The following TNFAIP8 variants were observed in gnomAD, a reference collection of about 807,000 sequenced individuals.
TNFAIP8 encodes the protein TNF alpha induced protein 8, also known as tumor necrosis factor alpha-induced protein 8.
TNFAIP8 carries 7 observed loss-of-function variants against 13.3 expected under a neutral mutation model. The observed-to-expected ratio is 0.52, with a 90% CI of 0.30 to 0.99. The LOEUF (loss-of-function observed/expected upper bound fraction) is 0.99. TNFAIP8 is among the 50% of genes least tolerant of loss of function. The pLI is 0.07. For synonymous variants in TNFAIP8, 94 were observed against 87.6 expected (o/e 1.07, Z -0.41); for missense variants, 258 against 236.9 (o/e 1.09, Z -0.58).
intron 1 of TNFAIP8, among the ~76,000 whole-genome samples, chr5:119,289,495 T>C (rs1048567988): frequency 1.3e-5 from 2 of 152,202 alleles, no homozygotes; most frequent in Non-Finnish European, 2.9e-5. Flanking sequence ...CTTTTAAAGA[T>C]TGGAGAATTC....
chr5:119,300,699 A>T (rs1749361201), intron 1 of TNFAIP8, among the ~76,000 whole-genome samples: 1 of 152,202 alleles, frequency 6.6e-6, no homozygotes, highest in South Asian at 2.1e-4. Context: ...AACTTGCCTG[A>T]GATCCAGCAG....
rs141199457 is a variant in TNFAIP8, at chr5:119,370,335, TC to T, written c.31+14216del. On this transcript the variant is annotated intron_variant, in intron 1 of 1. Transcript: ENST00000504771. ...GAGCAACAGAGAAACAATGCATGAA[TC>T]CACACATAAAACTCTTTAAGTTGAG... Among the ~76,000 whole-genome samples the T allele has an allele frequency of 4.5e-3, 683 of 152,266 alleles. 9 individuals carry two copies. Among genetic ancestry groups the T allele is most frequent in the South Asian group, 0.043 (206 of 4,828 alleles).
chr5:119,290,082 A>G (rs1183580259), intron 1 of TNFAIP8, among the ~76,000 whole-genome samples: 5 of 152,238 alleles, frequency 3.3e-5, no homozygotes, highest in Non-Finnish European at 7.3e-5. Flanking sequence ...TCTGCCCTCT[A>G]GGACTTATTA....
intron 1 of TNFAIP8, among the ~76,000 whole-genome samples, chr5:119,296,906 A>G (rs945793730): frequency 1.3e-5 from 2 of 151,610 alleles, no homozygotes; most frequent in African/African-American, 4.9e-5. Context: ...TTTCTAGTTT[A>G]TTTGCGTAGA....
At chr5:119,268,804 G>A (rs1205564838) in exon 1 of TNFAIP8, 7 of 697,670 alleles carry the variant, frequency 1.0e-5, no homozygotes, top group East Asian at 5.5e-5. Flanking sequence ...GCTTGGCTAA[G>A]GTCCGCGGGA....
chr5:119,321,778 A>G (rs949629128), intron 1 of TNFAIP8, among the ~76,000 whole-genome samples: 5 of 152,168 alleles, frequency 3.3e-5, no homozygotes, highest in Non-Finnish European at 5.9e-5. Flanking sequence ...TCCTTGTGCA[A>G]TGAGAATGGT....
At chr5:119,359,705 C>G (rs949602401) in intron 1 of TNFAIP8, among the ~76,000 whole-genome samples, 3 of 152,206 alleles carry the variant, frequency 2.0e-5, no homozygotes, top group African/African-American at 7.2e-5. Context: ...TCATTCATCA[C>G]TAAGGACTAT....
At chr5:119,314,023 G>T (rs1214845416) in intron 1 of TNFAIP8, among the ~76,000 whole-genome samples, 1 of 152,176 alleles carries the variant, frequency 6.6e-6, no homozygotes, top group Non-Finnish European at 1.5e-5. Context: ...TCTAGTAGAG[G>T]CAGCATAATT....
intron 1 of TNFAIP8, among the ~76,000 whole-genome samples, chr5:119,271,527 G>C (rs994989344): frequency 2.8e-4 from 43 of 152,282 alleles, no homozygotes; most frequent in African/African-American, 1.0e-3. Flanking sequence ...CAGTTGAAGG[G>C]GCTGAAAATG....
intron 1 of TNFAIP8, among the ~76,000 whole-genome samples, chr5:119,365,538 A>G (rs982092780): frequency 3.3e-5 from 5 of 152,186 alleles, no homozygotes; most frequent in African/African-American, 1.2e-4. Context: ...ACACCAAAAG[A>G]CAGAACCCTG....
In TNFAIP8 at chr5:119,396,897, G is replaced by A. The variant is rs1194199642; in HGVS notation, c.*3516G>A. The A allele has an allele frequency of 1.3e-5, 2 of 150,014 alleles. No homozygotes were observed. Among genetic ancestry groups the A allele is most frequent in the Non-Finnish European group, 2.9e-5 (2 of 67,892 alleles). 9.3% of individuals were successfully genotyped at this position (150,014 alleles called of 1,614,324 possible). ...TAATCCCAGCTACTTGGGAGGCTAA[G>A]GCAGGAGAATCGCTGGAACCTGGGA... On this transcript the variant is annotated 3_prime_UTR_variant, in exon 2 of 2. Transcript: ENST00000504771.
chr5:119,279,896 A>G (rs985535541), intron 1 of TNFAIP8, among the ~76,000 whole-genome samples: 1 of 152,120 alleles, frequency 6.6e-6, no homozygotes, highest in Non-Finnish European at 1.5e-5. Flanking sequence ...TGAAAAGTTC[A>G]TTGAAACAGT....
chr5:119,322,625 T>A (rs1750095366), intron 1 of TNFAIP8, among the ~76,000 whole-genome samples: 3 of 152,200 alleles, frequency 2.0e-5, no homozygotes, highest in Admixed American at 2.0e-4. Context: ...TCCTCCATAA[T>A]CCACTTTCCT....
chr5:119,329,749 C>T (rs2112703804), intron 1 of TNFAIP8, among the ~76,000 whole-genome samples: 1 of 151,882 alleles, frequency 6.6e-6, no homozygotes, highest in East Asian at 2.0e-4. Flanking sequence ...AGTGAGAGCA[C>T]CATGCACACT....
chr5:119,317,288 GC>G (rs1749928289), intron 1 of TNFAIP8, among the ~76,000 whole-genome samples: 1 of 152,042 alleles, frequency 6.6e-6, no homozygotes, highest in African/African-American at 2.4e-5. Flanking sequence ...ATAGAAATTA[GC>G]CAAAATAAAT....
At chr5:119,295,924 C>T (rs1253309318) in intron 1 of TNFAIP8, among the ~76,000 whole-genome samples, 2 of 151,056 alleles carry the variant, frequency 1.3e-5, no homozygotes, top group African/African-American at 4.9e-5. Context: ...TGATTTGGCT[C>T]TCTGTCTGTT....
intron 1 of TNFAIP8, among the ~76,000 whole-genome samples, chr5:119,391,961 G>A (rs1005242647): frequency 3.4e-4 from 51 of 152,168 alleles, no homozygotes; most frequent in Admixed American, 6.5e-5. Flanking sequence ...TCTGTCAGAA[G>A]TTATAATTCC....
At chr5:119,320,176 A>AT (rs1175643624) in intron 1 of TNFAIP8, among the ~76,000 whole-genome samples, 1 of 152,122 alleles carries the variant, frequency 6.6e-6, no homozygotes, top group Non-Finnish European at 1.5e-5. Context: ...AGCGACTGTG[A>AT]TTTTTAGGAC....
chr5:119,357,812 G>C (rs920377800), intron 1 of TNFAIP8, among the ~76,000 whole-genome samples: 2 of 152,062 alleles, frequency 1.3e-5, no homozygotes, highest in African/African-American at 4.8e-5. Context: ...AAAATAATCT[G>C]AGGTAGTAGA....
Sources: allele counts gnomAD v4.1 joint callset (sites outside exome capture counted in the v4.1 genomes callset), GRCh38; gene constraint gnomAD v4.1.1; transcripts MANE v1.5; gene names NCBI Gene and HGNC (gene_info 2026-07-23, HGNC 2026-07-21).